Variants in OLA1 observed in about 807,000 individuals in gnomAD.
OLA1 encodes the protein obg-like ATPase 1.
A neutral mutation model predicts 48.4 loss-of-function variants in OLA1; 14 were observed. That is an observed-to-expected ratio of 0.29 (90% CI 0.19 to 0.45). The LOEUF (loss-of-function observed/expected upper bound fraction) is 0.45, where lower values mean the gene tolerates loss of function less well. Ranked by LOEUF, OLA1 falls within the 20% of genes least tolerant of loss-of-function variation. OLA1 has a pLI of 1.00. For missense variants in OLA1, 325 were observed against 467.1 expected (o/e 0.70, Z 2.80); for synonymous variants, 127 against 150.4 (o/e 0.84, Z 1.14).
rs528320996 is a variant in OLA1, at chr2:174,241,440, T to C, written c.101+5275A>G. The stretch of plus-strand genomic sequence containing the variant: ...TTTCTACAACCTTTTCCCTCAGCAA[T>C]GGTAAATGGCTTTCACAGACGCTGT... On this transcript the variant is annotated intron_variant, in intron 2 of 10. Coordinates refer to ENST00000284719, the MANE Select transcript of OLA1 (RefSeq NM_013341.5). Among the ~76,000 whole-genome samples, 3 of 152,312 alleles carry C rather than the reference T, an allele frequency of 2.0e-5. No individual in the cohort carries two copies. In the South Asian group the frequency reaches 6.2e-4, roughly 32 times the overall value.
At chr2:174,118,004 C>T (rs956715278) in intron 7 of OLA1, among the ~76,000 whole-genome samples, 13 of 152,068 alleles carry the variant, frequency 8.5e-5, no homozygotes, top group African/African-American at 1.4e-4. Flanking sequence ...CTGTGAGGCA[C>T]GGCTGGGGAG....
intron 7 of OLA1, among the ~76,000 whole-genome samples, chr2:174,119,415 T>C (rs779372570): frequency 3.0e-4 from 46 of 152,140 alleles, no homozygotes; most frequent in Non-Finnish European, 5.3e-4. Context: ...CCTACAATAG[T>C]TCTATAGAAA....
intron 4 of OLA1, among the ~76,000 whole-genome samples, chr2:174,161,625 AC>A (rs1687014541): frequency 6.6e-6 from 1 of 150,932 alleles, no homozygotes; most frequent in African/African-American, 2.4e-5. Flanking sequence ...TGATGGCACC[AC>A]TGCACTCCAG....
intron 4 of OLA1, among the ~76,000 whole-genome samples, chr2:174,219,804 G>A (rs1168832852): frequency 6.6e-6 from 1 of 152,096 alleles, no homozygotes; most frequent in East Asian, 1.9e-4. Context: ...AATTTCATCT[G>A]CCTCCATCCC....
In OLA1 at chr2:174,123,126, T is replaced by C; in HGVS notation, c.728+54A>G. On this transcript the variant is annotated intron_variant, in intron 7 of 10. Transcript: ENST00000284719. Reference sequence around the variant, plus strand: ...TAAGTACATATATGTGGGTGTGTGTTTGTGTGTGTACAGAGATGATGCATC... The same window carrying C: ...TAAGTACATATATGTGGGTGTGTGTCTGTGTGTGTACAGAGATGATGCATC... 5.0e-6 allele frequency: 4 copies of C among 794,876 alleles called. No individual in the cohort carries two copies. The Admixed American group carries it at 8.6e-5, about 17-fold the overall frequency. 49.2% of individuals were successfully genotyped at this position (794,876 alleles called of 1,614,324 possible).
intron 4 of OLA1, among the ~76,000 whole-genome samples, chr2:174,173,677 T>C (rs1476343590): frequency 7.8e-6 from 1 of 128,894 alleles, no homozygotes; most frequent in South Asian, 3.0e-4. Context: ...ACTGGTGAAA[T>C]AGGAAATGAA....
rs945046624 is a variant in OLA1 at position 174,074,603 on chromosome 2, G to C, written c.*823C>G. 1 of 152,104 alleles carries C rather than the reference G, an allele frequency of 6.6e-6. No individual in the cohort carries two copies. The highest frequency in any genetic ancestry group is 1.5e-5 in the Non-Finnish European group (1 of 68,026). The allele number at this position is 152,104 out of a possible 1,614,324, so 9.4% of individuals were successfully genotyped here. On this transcript the variant is annotated 3_prime_UTR_variant, in exon 11 of 11. Transcript: ENST00000284719. ...AACATAACCCACCAGACATCAATGGGTCAGTTTTTACAATTTAATAATTTC... is the reference window on the plus strand; with the variant it reads ...AACATAACCCACCAGACATCAATGGCTCAGTTTTTACAATTTAATAATTTC...
At chr2:174,174,058 A>C (rs1446282103) in intron 4 of OLA1, among the ~76,000 whole-genome samples, 4 of 150,744 alleles carry the variant, frequency 2.7e-5, no homozygotes, top group Non-Finnish European at 5.9e-5. Context: ...AAAAACAAAA[A>C]AAAACTCCAC....
chr2:174,139,044 G>A (rs1172749884), intron 5 of OLA1, among the ~76,000 whole-genome samples: 2 of 152,130 alleles, frequency 1.3e-5, no homozygotes, highest in Non-Finnish European at 2.9e-5. Context: ...CAAATGGGAT[G>A]TACATACACT....
intron 4 of OLA1, among the ~76,000 whole-genome samples, chr2:174,163,716 ATATATATATATATAT>A (rs1687073072): frequency 0.012 from 222 of 17,972 alleles, 17 homozygotes; most frequent in African/African-American, 0.033. Context: ...AAATAAATAT[ATATATATATATATAT>A]ATATATATAT....
intron 4 of OLA1, among the ~76,000 whole-genome samples, chr2:174,143,602 T>C (rs1312762684): frequency 6.6e-6 from 1 of 152,204 alleles, no homozygotes; most frequent in African/African-American, 2.4e-5. Flanking sequence ...ACAACATCCC[T>C]ACAGTAAATG....
At chr2:174,202,964 CCT>C (rs1688022786) in intron 4 of OLA1, among the ~76,000 whole-genome samples, 1 of 152,046 alleles carries the variant, frequency 6.6e-6, no homozygotes, top group Non-Finnish European at 1.5e-5. Context: ...ATCCTTAACC[CCT>C]GTGTTGTTCA....
Position 174,164,817 on chromosome 2 carries a change from A to G in OLA1, c.374-22817T>C, listed in dbSNP as rs1419471008. Among the ~76,000 whole-genome samples, 3 of 152,224 alleles carry G rather than the reference A, an allele frequency of 2.0e-5. 1 individual carries two copies. Among genetic ancestry groups the G allele is most frequent in the South Asian group, 4.1e-4 (2 of 4,828 alleles). ...ATTATTTTATCTGCTCACAGTGACT[A>G]CTGAAGGATTGATTGGGCATGTGAC... On this transcript the variant is annotated intron_variant, in intron 4 of 10. Coordinates refer to ENST00000284719, the MANE Select transcript of OLA1 (RefSeq NM_013341.5).
intron 2 of OLA1, among the ~76,000 whole-genome samples, chr2:174,238,105 A>T (rs890778100): frequency 6.6e-6 from 1 of 152,246 alleles, no homozygotes; most frequent in Non-Finnish European, 1.5e-5. Flanking sequence ...GCACTAGAAG[A>T]ATAACTGTTA....
At chr2:174,152,398 G>A (rs899534669) in intron 4 of OLA1, among the ~76,000 whole-genome samples, 5 of 151,814 alleles carry the variant, frequency 3.3e-5, no homozygotes, top group Non-Finnish European at 4.4e-5. Context: ...GTAAGACTCC[G>A]TCTCAAAAAA....
chr2:174,090,821 A>G (rs1685097524), intron 7 of OLA1, among the ~76,000 whole-genome samples: 1 of 152,194 alleles, frequency 6.6e-6, no homozygotes, highest in South Asian at 2.1e-4. Context: ...TAATGATGAC[A>G]TTTAGGGTTA....
At chr2:174,137,797 T>C (rs1014339469) in intron 5 of OLA1, among the ~76,000 whole-genome samples, 3 of 152,234 alleles carry the variant, frequency 2.0e-5, no homozygotes, top group African/African-American at 7.2e-5. Flanking sequence ...AGTTAGGACC[T>C]TGCTCTGGAA....
rs1168711484 is a variant in OLA1, at chr2:174,095,344, T to G, written c.729-13280A>C. Reference sequence around the variant, plus strand: ...TTTCCTGTTTTTTTTTTTTTTTTTTTTTTTTGTTGTTGTTGTTGTTTTTAT... The same window carrying G: ...TTTCCTGTTTTTTTTTTTTTTTTTTGTTTTTGTTGTTGTTGTTGTTTTTAT... On this transcript the variant is annotated intron_variant, in intron 7 of 10. Coordinates refer to ENST00000284719, the MANE Select transcript of OLA1 (RefSeq NM_013341.5). Among the ~76,000 whole-genome samples the G allele has an allele frequency of 2.2e-3, 270 of 125,390 alleles. 4 individuals are homozygous for G. In the South Asian group the frequency reaches 0.036, roughly 17 times the overall value. 82.3% of individuals were successfully genotyped at this position (125,390 alleles called of 152,430 possible).
chr2:174,107,145 C>T lies in OLA1; in HGVS notation c.728+16035G>A, dbSNP rs77722475. Among the ~76,000 whole-genome samples, 1,014 of 152,114 alleles carry T rather than the reference C, an allele frequency of 6.7e-3. 27 individuals are homozygous for T. Among genetic ancestry groups the T allele is most frequent in the East Asian group, 0.056 (292 of 5,178 alleles). On this transcript the variant is annotated intron_variant, in intron 7 of 10. Coordinates refer to ENST00000284719, the MANE Select transcript of OLA1 (RefSeq NM_013341.5). ...AGCTCCAGTTTAGAATGTGAAATGT[C>T]GATTATGTACAGTTTTACACTAAAA... is the stretch of plus-strand genomic sequence containing the variant.
Sources: allele counts gnomAD v4.1 joint callset (sites outside exome capture counted in the v4.1 genomes callset), GRCh38; gene constraint gnomAD v4.1.1; transcripts MANE v1.5; gene names NCBI Gene and HGNC (gene_info 2026-07-23, HGNC 2026-07-21).